Variants in TXK observed in about 807,000 individuals in gnomAD.
The protein encoded by TXK is tyrosine-protein kinase TXK.
In TXK, 60 loss-of-function variants were observed where a neutral mutation model predicts 81.0. The ratio of observed to expected loss-of-function variants is 0.74; its 90% confidence interval spans 0.60 to 0.92. The LOEUF (loss-of-function observed/expected upper bound fraction) is 0.92, where lower values mean the gene tolerates loss of function less well. Among genes scored for constraint, TXK ranks in the 40% least tolerant of loss-of-function variants. The pLI is 0.00. For synonymous variants in TXK, 203 were observed against 210.7 expected (o/e 0.96, Z 0.32); for missense variants, 581 against 638.3 (o/e 0.91, Z 0.97).
intron 1 of TXK, among the ~76,000 whole-genome samples, chr4:48,131,525 TC>T (rs1246524774): frequency 6.6e-6 from 1 of 152,134 alleles, no homozygotes; most frequent in Non-Finnish European, 1.5e-5. Flanking sequence ...TAGTAAACAC[TC>T]ATTGTTTTAC....
intron 11 of TXK, among the ~76,000 whole-genome samples, chr4:48,078,126 T>C (rs1316706460): frequency 2.6e-5 from 4 of 152,230 alleles, no homozygotes; most frequent in East Asian, 3.8e-4. Context: ...AGTTTGAGAA[T>C]GACTGTTTGC....
chr4:48,092,286 G>A (rs1348626998), intron 8 of TXK, among the ~76,000 whole-genome samples: 1 of 152,156 alleles, frequency 6.6e-6, no homozygotes, highest in Non-Finnish European at 1.5e-5. Context: ...CAATATTTAA[G>A]GGAAGAATAG....
intron 10 of TXK, among the ~76,000 whole-genome samples, chr4:48,082,214 T>G (rs927091199): frequency 6.6e-6 from 1 of 152,204 alleles, no homozygotes; most frequent in Non-Finnish European, 1.5e-5. Flanking sequence ...GAATGGACTC[T>G]TCCTCTTAGC....
intron 7 of TXK, 92 bp from the exon 8 acceptor site, chr4:48,094,296 C>T (rs1021277860): frequency 3.3e-4 from 471 of 1,410,796 alleles, no homozygotes; most frequent in Admixed American, 4.8e-4. Context: ...AGTTCTAAAA[C>T]TCATCCTAGC....
chr4:48,094,139 G>A lies in TXK; in HGVS notation c.647C>T (p.Ala216Val), dbSNP rs1333701917. The change falls in exon 8 of 15, where the codon GCT (alanine) becomes GTT (valine). Residue 216 changes from alanine (A) to valine (V), a missense_variant. Transcript: ENST00000264316. Reference sequence around the variant, plus strand: ...GATTGATTGAAAGGCGTGTCTTTCAGCCACATACCACTGTCCTGAGTCATT... The same window carrying A: ...GATTGATTGAAAGGCGTGTCTTTCAACCACATACCACTGTCCTGAGTCATT... ...KKNDSGQWYV[A>V]ERHAFQSIPE... is the part of the protein sequence containing the mutation. 26 of 1,613,758 alleles carry A rather than the reference G, an allele frequency of 1.6e-5. No homozygotes were observed. In the East Asian group the frequency reaches 5.6e-4, roughly 35 times the overall value.
chr4:48,089,742 C>A lies in TXK; in HGVS notation c.784+8G>T. 1 of 1,611,554 alleles carries A rather than the reference C, an allele frequency of 6.2e-7. No individual in the cohort carries two copies. Among genetic ancestry groups the A allele is most frequent in the Non-Finnish European group, 8.5e-7 (1 of 1,177,908 alleles). The stretch of plus-strand genomic sequence containing the variant: ...GCTATTTTACTTCAGCATGTGTGCA[C>A]ACTTTACCGTAGCTAAACCCAGCTG... On this transcript the variant is annotated splice_region_variant and intron_variant, in intron 9 of 14. Transcript: ENST00000264316.
At chr4:48,096,264 C>T (rs1283324465) in intron 6 of TXK, among the ~76,000 whole-genome samples, 2 of 151,960 alleles carry the variant, frequency 1.3e-5, no homozygotes, top group Non-Finnish European at 2.9e-5. Context: ...TGTTACATAC[C>T]ACAGAGGACA....
intron 1 of TXK, among the ~76,000 whole-genome samples, chr4:48,123,124 T>C (rs997388127): frequency 1.3e-5 from 2 of 152,254 alleles, no homozygotes; most frequent in Non-Finnish European, 2.9e-5. Context: ...TATCCTTGAG[T>C]AATCACTAGC....
intron 1 of TXK, among the ~76,000 whole-genome samples, chr4:48,132,040 ATTT>A (rs35357614): frequency 7.2e-6 from 1 of 138,846 alleles, no homozygotes; most frequent in Non-Finnish European, 1.6e-5. Context: ...GAATAACCTG[ATTT>A]TTTTTTTTTT....
At chr4:48,073,333 A>G (rs984142552) in intron 13 of TXK, among the ~76,000 whole-genome samples, 2 of 152,116 alleles carry the variant, frequency 1.3e-5, no homozygotes, top group African/African-American at 4.8e-5. Context: ...TTGCATATTT[A>G]TTACCATTTT....
At chr4:48,118,651 G>A (rs545008149) in intron 1 of TXK, among the ~76,000 whole-genome samples, 28 of 152,096 alleles carry the variant, frequency 1.8e-4, no homozygotes, top group Non-Finnish European at 4.1e-4. Context: ...ATTCCTAGGG[G>A]TTTGTGCTGC....
chr4:48,098,639 G>A (rs189773629), intron 6 of TXK, among the ~76,000 whole-genome samples: 1 of 152,068 alleles, frequency 6.6e-6, no homozygotes. Flanking sequence ...ATCCAGCATC[G>A]TGCTATATGT....
chr4:48,077,291 A>T (rs1717110743), intron 11 of TXK, among the ~76,000 whole-genome samples: 1 of 152,078 alleles, frequency 6.6e-6, no homozygotes, highest in Admixed American at 6.6e-5. Flanking sequence ...ACTATTTGAT[A>T]GAATTTTCCT....
At chr4:48,112,283 G>A in intron 4 of TXK, 24 bp downstream of exon 4, 1 of 1,605,696 alleles carries the variant, frequency 6.2e-7, no homozygotes, top group Non-Finnish European at 8.5e-7. Context: ...ATTGGATACT[G>A]ACTAAGTCAT....
chr4:48,130,564 G>A (rs974754039), intron 1 of TXK, among the ~76,000 whole-genome samples: 5 of 152,140 alleles, frequency 3.3e-5, no homozygotes, highest in African/African-American at 4.8e-5. Flanking sequence ...CAGAGGTGAC[G>A]TTCCATCACT....
intron 1 of TXK, among the ~76,000 whole-genome samples, chr4:48,115,588 G>A (rs944499207): frequency 5.9e-5 from 9 of 152,138 alleles, no homozygotes; most frequent in Admixed American, 2.0e-4. Flanking sequence ...GGCTCATGCC[G>A]CTAATCCCAG....
intron 1 of TXK, among the ~76,000 whole-genome samples, chr4:48,121,923 T>C (rs1718973547): frequency 6.6e-6 from 1 of 152,162 alleles, no homozygotes; most frequent in Non-Finnish European, 1.5e-5. Flanking sequence ...ATGGTTAAAA[T>C]GGTAAATTTT....
chr4:48,131,764 G>A (rs777957460), intron 1 of TXK, among the ~76,000 whole-genome samples: 2 of 152,060 alleles, frequency 1.3e-5, no homozygotes, highest in African/African-American at 4.8e-5. Context: ...ATATATAACC[G>A]AATCCTTCCT....
At chr4:48,074,887 A>G (rs1329062829) in intron 12 of TXK, among the ~76,000 whole-genome samples, 1 of 152,190 alleles carries the variant, frequency 6.6e-6, no homozygotes, top group African/African-American at 2.4e-5. Flanking sequence ...ACAAAGAGAG[A>G]AAAGCCACTG....
Sources: gnomAD v4.1 joint callset for allele counts (sites outside exome capture counted in the v4.1 genomes callset) on GRCh38, gnomAD v4.1.1 for gene constraint, MANE v1.5 for transcripts, NCBI Gene and HGNC (gene_info 2026-07-23, HGNC 2026-07-21) for gene names.